Variants in PPL observed in about 807,000 individuals in gnomAD.
The protein encoded by PPL is periplakin, also known as 190 kDa paraneoplastic pemphigus antigen.
PPL carries 198 observed loss-of-function variants against 194.4 expected under a neutral mutation model. The observed-to-expected ratio is 1.02, with a 90% confidence interval of 0.91 to 1.15. The LOEUF is 1.15. Ranked by LOEUF, PPL falls within the 50% of genes most tolerant of loss-of-function variation. The pLI is 0.00. For missense variants in PPL, 2,885 were observed against 2,294.8 expected, an observed-to-expected ratio of 1.26 and a Z score of -5.25; for synonymous variants, 1,220 against 972.4, an observed-to-expected ratio of 1.25 and a Z score of -4.74.
chr16:4,909,360 C>A (rs1310395183), intron 2 of PPL, among the ~76,000 whole-genome samples: 1 of 151,562 alleles, frequency 6.6e-6, no homozygotes, highest in Non-Finnish European at 1.5e-5. Flanking sequence ...AGCAGCTTGG[C>A]CGGGTAGACC....
chr16:4,883,477 C>G lies in PPL; in HGVS notation c.5178G>C (p.Gln1726His), dbSNP rs757834411. The change falls in exon 22 of 22, where the codon CAG becomes CAC. Residue 1726 changes from glutamine to histidine, a missense_variant. Coordinates refer to ENST00000345988, the MANE Select transcript of PPL (RefSeq NM_002705.5). The surrounding 1 kb of genome is among the most constrained non-coding windows in gnomAD (Gnocchi z 4.8). ...GKKFSIEEALQSGRLTPAQYD... is the reference protein window; with the variant it reads ...GKKFSIEEALHSGRLTPAQYD... ...ACTGAGCAGGGGTCAGCCTGCCACT[C>G]TGCAGGGCCTCTTCGATGGAGAACT... 15 of 1,614,212 alleles carry G rather than the reference C, an allele frequency of 9.3e-6. No individual in the cohort carries two copies. Among genetic ancestry groups the G allele is most frequent in the Non-Finnish European group, 1.3e-5 (15 of 1,180,032 alleles).
Position 4,884,043 on chromosome 16 carries a change from T to TC in PPL, c.4611dup (p.Ser1538GlufsTer14), listed in dbSNP as rs1366387396. ...TCCGAAAGCCTGGCTTCCAGCCGGC[T>TC]CACCTCGACGTCCAGCTCGCGCTTG... On this transcript the variant is annotated frameshift_variant, in exon 22 of 22. Coordinates refer to ENST00000345988, the MANE Select transcript of PPL (RefSeq NM_002705.5). LOFTEE classifies it high-confidence loss of function. The surrounding 1 kb of genome is among the most constrained non-coding windows in gnomAD (Gnocchi z 5.7). The TC allele has an allele frequency of 6.2e-7, 1 of 1,613,562 alleles. No individual in the cohort carries two copies. Among genetic ancestry groups the TC allele is most frequent in the South Asian group, 1.1e-5 (1 of 91,088 alleles).
intron 1 of PPL, among the ~76,000 whole-genome samples, chr16:4,911,474 G>C (rs1488748268): frequency 2.0e-5 from 3 of 151,758 alleles, no homozygotes; most frequent in African/African-American, 4.8e-5. Flanking sequence ...CCTCCACTTT[G>C]ATCATTCTCT....
At chr16:4,893,713 T>C (rs919792778) in intron 12 of PPL, 75 bp from the exon 13 acceptor site, 6 of 1,311,992 alleles carry the variant, frequency 4.6e-6, no homozygotes, top group Middle Eastern at 2.2e-4. Flanking sequence ...GACTGCGGAC[T>C]CTGGCTGGGC....
In PPL at chr16:4,887,150, C is replaced by G. The variant is rs545502159; in HGVS notation, c.2592G>C (p.Leu864=). The change falls in exon 21 of 22, where the codon CTG becomes CTC. Residue 864 remains leucine, a synonymous_variant. Transcript: ENST00000345988. ...RQRLQNLEFA[L]NLLRQQPEVE... ...GATCAGTTACCTGTCTGAGGAGATT[C>G]AGAGCAAACTCCAGATTCTGCAGCC... 2.5e-6 allele frequency: 4 copies of G among 1,613,640 alleles called. No homozygotes were observed. Among genetic ancestry groups the G allele is most frequent in the Admixed American group, 3.3e-5 (2 of 60,032 alleles).
chr16:4,887,260 A>T (rs369051328), intron 20 of PPL, 33 bp from the exon 21 acceptor site: 5 of 1,513,476 alleles, frequency 3.3e-6, no homozygotes, highest in African/African-American at 1.4e-5. Context: ...AGCGGTCAAC[A>T]AACAGGTGTC....
chr16:4,929,268 C>T (rs1209768659), intron 1 of PPL, among the ~76,000 whole-genome samples: 2 of 152,042 alleles, frequency 1.3e-5, no homozygotes, highest in South Asian at 2.1e-4. Context: ...TCTCCCCATC[C>T]AGAACCTGCC....
In PPL at chr16:4,888,830, T is replaced by C. The variant is rs1053526996; in HGVS notation, c.2397+148A>G. 1.5e-5 allele frequency: 11 copies of C among 743,752 alleles called. No individual in the cohort carries two copies. In the South Asian group the frequency reaches 1.7e-4, roughly 12 times the overall value. The allele number at this position is 743,752 out of a possible 1,614,324, so 46.1% of individuals were successfully genotyped here. On this transcript the variant is annotated intron_variant, in intron 19 of 21. Transcript: ENST00000345988. Reference sequence around the variant, plus strand: ...GTACCATGCTGTTTTCCCAAAAGCCTGTGCCAGTTTGCACAGCAGCCGGCA... The same window carrying C: ...GTACCATGCTGTTTTCCCAAAAGCCCGTGCCAGTTTGCACAGCAGCCGGCA...
intron 1 of PPL, among the ~76,000 whole-genome samples, chr16:4,929,537 C>CCCA (rs1390249121): frequency 2.0e-5 from 3 of 152,310 alleles, no homozygotes; most frequent in East Asian, 3.9e-4. Context: ...CACGCATGTC[C>CCCA]CCACCACCAC....
Position 4,885,601 on chromosome 16 carries a change from C to T in PPL, c.3054G>A (p.Glu1018=). 6.2e-7 allele frequency: 1 copy of T among 1,612,292 alleles called. No homozygotes were observed. Among genetic ancestry groups the T allele is most frequent in the Non-Finnish European group, 8.5e-7 (1 of 1,179,714 alleles). Reference sequence around the variant, plus strand: ...GGGCGCCCTTCTGCCGCCTCAGTGCCTCCAGCTCCTCCCGCAGCTGCAAGA... The same window carrying T: ...GGGCGCCCTTCTGCCGCCTCAGTGCTTCCAGCTCCTCCCGCAGCTGCAAGA... ...DEVLQLREEL[E]ALRRQKGARE... The change falls in exon 22 of 22, where the codon GAG becomes GAA. Residue 1018 remains glutamate, a synonymous_variant. Coordinates refer to ENST00000345988, the MANE Select transcript of PPL (RefSeq NM_002705.5). This position sits in a 1 kb window ranked among gnomAD's most constrained non-coding sequence, Gnocchi z 6.3.
rs906386976 is a variant in PPL at position 4,926,893 on chromosome 16, C to CAA, written c.62+10089_62+10090dup. On this transcript the variant is annotated intron_variant, in intron 1 of 21. Coordinates refer to ENST00000345988, the MANE Select transcript of PPL (RefSeq NM_002705.5). ...GACTCTGTCTCAAAAAAAAAAAAAA[C>CAA]AAAAAAAAACCAAAAACAAAGATTT... Among the ~76,000 whole-genome samples the CAA allele has an allele frequency of 1.0e-4, 11 of 110,408 alleles. 1 individual carries two copies. The highest frequency in any genetic ancestry group is 2.7e-4 in the South Asian group (1 of 3,718). 72.4% of individuals were successfully genotyped at this position (110,408 alleles called of 152,430 possible).
chr16:4,935,110 T>C (rs1194926854), intron 1 of PPL, among the ~76,000 whole-genome samples: 1 of 152,154 alleles, frequency 6.6e-6, no homozygotes, highest in Non-Finnish European at 1.5e-5. Flanking sequence ...TTGGGCCAGA[T>C]ATACAGAGAG....
Position 4,891,843 on chromosome 16 carries a change from GGCTGCTC to G in PPL, c.1929_1935del (p.Glu643AspfsTer102). ...TCCTGCCCCTTGCTGTCCAGGACAC[GGCTGCTC>G]TCAGGCACTGTGTCATCCTGATTCA... On this transcript the variant is annotated frameshift_variant, in exon 16 of 22. Transcript: ENST00000345988. LOFTEE classifies it high-confidence loss of function. The G allele has an allele frequency of 1.2e-6, 2 of 1,613,136 alleles. No homozygotes were observed. The highest frequency in any genetic ancestry group is 1.7e-6 in the Non-Finnish European group (2 of 1,179,912).
rs781664389 is a variant in PPL, at chr16:4,884,374, C to T, written c.4281G>A (p.Leu1427=). ...CAGCTTCTTCCTGCTCCAGCGCTGC[C>T]AGCCGCTGCTGCAACCGCTGTACCT... ...EREVQRLQQR[L]AALEQEEAEA... Residue 1427 remains leucine, a synonymous_variant, in exon 22 of 22, where the codon CTG becomes CTA. Coordinates refer to ENST00000345988, the MANE Select transcript of PPL (RefSeq NM_002705.5). The surrounding 1 kb of genome is among the most constrained non-coding windows in gnomAD (Gnocchi z 5.7). 6.2e-7 allele frequency: 1 copy of T among 1,611,884 alleles called. No individual in the cohort carries two copies. Among genetic ancestry groups the T allele is most frequent in the Non-Finnish European group, 8.5e-7 (1 of 1,179,624 alleles).
At position 4,891,876 on chromosome 16, in the gene PPL, G is replaced by C. The variant is rs775327622; in HGVS notation, c.1903C>G (p.Leu635Val). The change falls in exon 16 of 22, where the codon CTG becomes GTG. Residue 635 changes from leucine to valine, a missense_variant. Physicochemically the swap from Leu to Val is conservative, Grantham distance 32. Coordinates refer to ENST00000345988, the MANE Select transcript of PPL (RefSeq NM_002705.5). ...WELLATHENH[L>V]NQDDTVPESS... The stretch of plus-strand genomic sequence containing the variant: ...TCAGGCACTGTGTCATCCTGATTCA[G>C]ATGGTTCTCGTGTGTGGCCAGCAAC... 49 of 1,613,602 alleles carry C rather than the reference G, an allele frequency of 3.0e-5. No homozygotes were observed. The highest frequency in any genetic ancestry group is 4.1e-5 in the Non-Finnish European group (48 of 1,180,010).
intron 1 of PPL, among the ~76,000 whole-genome samples, chr16:4,925,589 T>G (rs2089141572): frequency 6.6e-6 from 1 of 152,202 alleles, no homozygotes; most frequent in Non-Finnish European, 1.5e-5. Context: ...ATTCCACACC[T>G]TGCGTAGGGC....
At chr16:4,912,983 A>G (rs1005586619) in intron 1 of PPL, among the ~76,000 whole-genome samples, 3 of 152,162 alleles carry the variant, frequency 2.0e-5, no homozygotes, top group Non-Finnish European at 4.4e-5. Context: ...ATGCGCCTGT[A>G]GTCCCAGCTA....
intron 18 of PPL, 35 bp from the exon 19 acceptor site, chr16:4,889,096 GA>G (rs771207697): frequency 6.9e-6 from 11 of 1,585,782 alleles, no homozygotes; most frequent in Non-Finnish European, 7.8e-6. Context: ...AAACTAACCA[GA>G]AAAAAAATTT....
rs201120555 is a variant in PPL at position 4,889,043 on chromosome 16, C to T, written c.2332G>A (p.Ala778Thr). ...KNQKNLLDEI[A>T]SREQEVQKIC... ...TTCTGTACTTCCTGCTCCCTACTTG[C>T]TATCTCATCTAGCAGGTTCTGTAAG... The change falls in exon 19 of 22, where the codon GCA (alanine) becomes ACA (threonine). Residue 778 changes from alanine to threonine, a missense_variant. Coordinates refer to ENST00000345988, the MANE Select transcript of PPL (RefSeq NM_002705.5). 1.6e-5 allele frequency: 26 copies of T among 1,613,516 alleles called. No homozygotes were observed. Among genetic ancestry groups the T allele is most frequent in the Non-Finnish European group, 2.0e-5 (24 of 1,179,858 alleles).
Sources: gnomAD v4.1 joint callset for allele counts (sites outside exome capture counted in the v4.1 genomes callset) on GRCh38, gnomAD v4.1.1 for gene constraint, Gnocchi (gnomAD v3.1) non-coding constraint, MANE v1.5 for transcripts, NCBI Gene and HGNC (gene_info 2026-07-23, HGNC 2026-07-21) for gene names.